METTL24: variants seen among roughly 807,000 people sequenced by gnomAD.
METTL24 encodes probable methyltransferase-like protein 24.
METTL24 carries 29 observed loss-of-function variants against 32.7 expected under a neutral mutation model. That is an observed-to-expected ratio of 0.89 (90% CI 0.66 to 1.21). The LOEUF (loss-of-function observed/expected upper bound fraction) is 1.21, where lower values mean the gene tolerates loss of function less well. METTL24 is among the 50% of genes most tolerant of loss of function. The probability of loss-of-function intolerance (pLI) is 0.00; values close to 1 mark genes in which losing one functional copy is unlikely to be tolerated. For missense variants in METTL24, 439 were observed against 468.1 expected, an observed-to-expected ratio of 0.94 and a Z score of 0.57; for synonymous variants, 163 against 179.5, an observed-to-expected ratio of 0.91 and a Z score of 0.73.
chr6:110,264,422 A>G (rs1420536895), intron 4 of METTL24, among the ~76,000 whole-genome samples: 1 of 152,186 alleles, frequency 6.6e-6, no homozygotes, highest in African/African-American at 2.4e-5. Flanking sequence ...CCACAATGAG[A>G]TATCATCTCA....
chr6:110,339,990 A>G (rs1046044367), intron 1 of METTL24, among the ~76,000 whole-genome samples: 1 of 152,220 alleles, frequency 6.6e-6, no homozygotes, highest in Admixed American at 6.5e-5. Flanking sequence ...TATTTTCTCA[A>G]GAAGCTATGA....
chr6:110,326,858 T>A (rs1772025733), intron 1 of METTL24, among the ~76,000 whole-genome samples: 1 of 152,306 alleles, frequency 6.6e-6, no homozygotes, highest in South Asian at 2.1e-4. Context: ...ACTGAGGCTG[T>A]GCTTGGTCCC....
intron 4 of METTL24, among the ~76,000 whole-genome samples, chr6:110,262,506 C>A (rs1229550237): frequency 1.3e-5 from 2 of 152,104 alleles, no homozygotes; most frequent in African/African-American, 2.4e-5. Flanking sequence ...AGTCCAGGAC[C>A]AGATGGATTC....
chr6:110,336,862 G>A (rs541961447), intron 1 of METTL24, among the ~76,000 whole-genome samples: 5 of 152,272 alleles, frequency 3.3e-5, no homozygotes, highest in African/African-American at 1.2e-4. Flanking sequence ...ACGCAGTGTG[G>A]TGATGCCTCA....
intron 3 of METTL24, among the ~76,000 whole-genome samples, chr6:110,307,162 T>A (rs747117014): frequency 3.3e-5 from 5 of 152,224 alleles, no homozygotes; most frequent in Non-Finnish European, 7.3e-5. Flanking sequence ...TTATTCATGT[T>A]CATAAACAAA....
At chr6:110,247,233 G>A (rs1778183996) in intron 4 of METTL24, among the ~76,000 whole-genome samples, 1 of 152,188 alleles carries the variant, frequency 6.6e-6, no homozygotes, top group Non-Finnish European at 1.5e-5. Flanking sequence ...CAATAATGCT[G>A]TAAGGGTGAT....
intron 1 of METTL24, among the ~76,000 whole-genome samples, chr6:110,336,512 G>A (rs1435849101): frequency 1.3e-5 from 2 of 152,048 alleles, no homozygotes; most frequent in Non-Finnish European, 2.9e-5. Flanking sequence ...AGGCTGAGGT[G>A]GGCGGATCAC....
chr6:110,310,957 C>A (rs916346969), intron 3 of METTL24, among the ~76,000 whole-genome samples: 4 of 152,174 alleles, frequency 2.6e-5, no homozygotes, highest in East Asian at 1.9e-4. Flanking sequence ...CTGGGTATAG[C>A]AGTGGCATGG....
intron 1 of METTL24, among the ~76,000 whole-genome samples, chr6:110,349,407 G>A (rs1340906709): frequency 6.6e-6 from 1 of 152,214 alleles, no homozygotes; most frequent in Non-Finnish European, 1.5e-5. Flanking sequence ...GGGGTCCAGA[G>A]AGATGCAGTG....
At chr6:110,300,709 T>C (rs960840194) in intron 3 of METTL24, among the ~76,000 whole-genome samples, 2 of 152,054 alleles carry the variant, frequency 1.3e-5, no homozygotes, top group African/African-American at 4.8e-5. Flanking sequence ...GCATGAGCCA[T>C]GGCACCCCAC....
chr6:110,352,858 T>C (rs1772635476), intron 1 of METTL24, among the ~76,000 whole-genome samples: 1 of 152,184 alleles, frequency 6.6e-6, no homozygotes, highest in Admixed American at 6.5e-5. Context: ...CAGTCTTTGG[T>C]TTAACTACTT....
At chr6:110,324,299 T>TG (rs1434482112) in intron 1 of METTL24, among the ~76,000 whole-genome samples, 1 of 152,280 alleles carries the variant, frequency 6.6e-6, no homozygotes, top group Non-Finnish European at 1.5e-5. Flanking sequence ...ACTACCCTTG[T>TG]GGGGGCTGAG....
intron 3 of METTL24, among the ~76,000 whole-genome samples, chr6:110,302,441 A>G (rs888454193): frequency 5.5e-5 from 7 of 127,142 alleles, no homozygotes; most frequent in Non-Finnish European, 1.1e-4. Context: ...ACATATGTGT[A>G]TATATACACA....
intron 4 of METTL24, 51 bp downstream of exon 4, chr6:110,298,871 T>C (rs776353239): frequency 6.5e-7 from 1 of 1,533,092 alleles, no homozygotes; most frequent in Admixed American, 1.7e-5. Context: ...TTTAAAAAGC[T>C]GATGGGTTTG....
chr6:110,311,790 G>A (rs568769759), intron 3 of METTL24, among the ~76,000 whole-genome samples: 7 of 152,096 alleles, frequency 4.6e-5, no homozygotes, highest in Non-Finnish European at 7.4e-5. Flanking sequence ...ACTGCGCCTG[G>A]CCCCAAAGTT....
rs138408265 is a variant in METTL24, at chr6:110,344,860, A to C, written c.318+13095T>G. Among the ~76,000 whole-genome samples, 435 of 152,382 alleles carry C rather than the reference A, an allele frequency of 2.9e-3. 6 individuals carry two copies. Among genetic ancestry groups the C allele is most frequent in the Non-Finnish European group, 4.2e-3 (284 of 68,044 alleles). On this transcript the variant is annotated intron_variant, in intron 1 of 4. Transcript: ENST00000338882. ...CAGCCTAGGCAATACTATCCTGGAC[A>C]CAGGAACGAGCAAAGACTTCATGAC...
chr6:110,274,802 CTTTTTTT>C (rs1196371607), intron 4 of METTL24, among the ~76,000 whole-genome samples: 2 of 90,130 alleles, frequency 2.2e-5, no homozygotes, highest in Admixed American at 1.2e-4. Flanking sequence ...TTCGTTCTTT[CTTTTTTT>C]TTTTTTTTTT....
Position 110,244,818 on chromosome 6 carries a change from G to C in METTL24, c.*1128C>G, listed in dbSNP as rs933883119. ...CAATTCAAGATGAGATTTGGTTGGGGACGTAGCCAAACCATATTACTCATG... is the reference window on the plus strand; with the variant it reads ...CAATTCAAGATGAGATTTGGTTGGGCACGTAGCCAAACCATATTACTCATG... On this transcript the variant is annotated 3_prime_UTR_variant, in exon 5 of 5. Coordinates refer to ENST00000338882, the MANE Select transcript of METTL24 (RefSeq NM_001123364.3). Among the ~76,000 whole-genome samples the C allele has an allele frequency of 6.6e-6, 1 of 152,142 alleles. No homozygotes were observed. Among genetic ancestry groups the C allele is most frequent in the Non-Finnish European group, 1.5e-5 (1 of 68,030 alleles).
chr6:110,259,237 C>T (rs532331338), intron 4 of METTL24, among the ~76,000 whole-genome samples: 15 of 152,240 alleles, frequency 9.9e-5, no homozygotes, highest in East Asian at 3.9e-4. Flanking sequence ...GGGTGACAGA[C>T]GGCACCTGGA....
Sources: allele counts gnomAD v4.1 joint callset (sites outside exome capture counted in the v4.1 genomes callset), GRCh38; gene constraint gnomAD v4.1.1; transcripts MANE v1.5; gene names NCBI Gene and HGNC (gene_info 2026-07-23, HGNC 2026-07-21).